The following DOCK4 variants were observed in gnomAD, a reference collection of about 807,000 sequenced individuals.
DOCK4 encodes the protein dedicator of cytokinesis protein 4.
A neutral mutation model predicts 268.1 loss-of-function variants in DOCK4; 97 were observed. That is an observed-to-expected ratio of 0.36 (90% confidence interval 0.31 to 0.43). DOCK4 has a LOEUF of 0.43. Ranked by LOEUF, DOCK4 falls within the 20% of genes least tolerant of loss-of-function variation. The probability of loss-of-function intolerance (pLI) is 1.00; values close to 1 mark genes in which losing one functional copy is unlikely to be tolerated. For missense variants in DOCK4, 2,145 were observed against 2,455.7 expected, an observed-to-expected ratio of 0.87 and a Z score of 2.67; for synonymous variants, 954 against 887.2, an observed-to-expected ratio of 1.08 and a Z score of -1.34.
At chr7:111,756,206 G>A (rs540666046) in intron 41 of DOCK4, among the ~76,000 whole-genome samples, 23 of 152,242 alleles carry the variant, frequency 1.5e-4, no homozygotes, top group East Asian at 3.9e-4. Flanking sequence ...AAAATTAGCC[G>A]GGCATGGTGG....
intron 1 of DOCK4, among the ~76,000 whole-genome samples, chr7:112,198,085 A>C (rs1378359677): frequency 1.3e-5 from 2 of 152,052 alleles, no homozygotes; most frequent in African/African-American, 4.8e-5. Context: ...ATATGCCCCC[A>C]AAATTCACAT....
chr7:111,900,703 G>A (rs1200718381), intron 14 of DOCK4, among the ~76,000 whole-genome samples, 167 bp from the exon 15 acceptor site: 1 of 152,224 alleles, frequency 6.6e-6, no homozygotes, highest in African/African-American at 2.4e-5. Context: ...TTAGCGGGGT[G>A]TATCTATTTA....
At chr7:111,795,537 C>T (rs1240249252) in intron 30 of DOCK4, among the ~76,000 whole-genome samples, 1 of 152,176 alleles carries the variant, frequency 6.6e-6, no homozygotes, top group African/African-American at 2.4e-5. Context: ...GGGAAACAAC[C>T]AGCCCTGATG....
At chr7:112,072,587 G>A (rs1222955141) in intron 1 of DOCK4, among the ~76,000 whole-genome samples, 1 of 152,198 alleles carries the variant, frequency 6.6e-6, no homozygotes, top group Non-Finnish European at 1.5e-5. Context: ...AGGCAGACAT[G>A]AGCAGGCCAG....
chr7:111,787,244 G>A (rs1172287727), intron 32 of DOCK4, among the ~76,000 whole-genome samples: 2 of 152,060 alleles, frequency 1.3e-5, no homozygotes, highest in East Asian at 3.9e-4. Flanking sequence ...TCATTTCACT[G>A]AGTGCTTTCT....
At chr7:111,741,928 G>C in intron 45 of DOCK4, 85 bp downstream of exon 45, 1 of 1,476,696 alleles carries the variant, frequency 6.8e-7, no homozygotes. Context: ...ACCACAAGAT[G>C]TCACTATTGG....
At chr7:112,116,525 T>C (rs1050030412) in intron 1 of DOCK4, among the ~76,000 whole-genome samples, 2 of 152,124 alleles carry the variant, frequency 1.3e-5, no homozygotes, top group African/African-American at 2.4e-5. Flanking sequence ...ACAAAGAACA[T>C]GTGTCACAAG....
chr7:112,004,918 A>G (rs1297307195), intron 1 of DOCK4, among the ~76,000 whole-genome samples: 1 of 152,224 alleles, frequency 6.6e-6, no homozygotes, highest in African/African-American at 2.4e-5. Flanking sequence ...GAAAGTACGC[A>G]CAGATTAGTC....
At chr7:112,143,729 G>A (rs12113011) in intron 1 of DOCK4, among the ~76,000 whole-genome samples, 16,039 of 152,098 alleles carry the variant, frequency 0.11, 1,145 homozygotes, top group Middle Eastern at 0.21. Context: ...CTGAGAGTGG[G>A]ACTAAGAAGA....
chr7:112,011,315 C>G (rs886400819), intron 1 of DOCK4, among the ~76,000 whole-genome samples: 3 of 152,244 alleles, frequency 2.0e-5, no homozygotes, highest in Admixed American at 2.0e-4. Context: ...CAATCTCCAT[C>G]TCAGGGTCTG....
At chr7:111,883,549 C>A (rs1456176020) in intron 16 of DOCK4, among the ~76,000 whole-genome samples, 2 of 152,176 alleles carry the variant, frequency 1.3e-5, no homozygotes, top group African/African-American at 4.8e-5. Context: ...TGCCTGCCAT[C>A]TCTGCAGCAC....
At chr7:111,947,742 G>A (rs1021354626) in intron 8 of DOCK4, among the ~76,000 whole-genome samples, 26 of 151,662 alleles carry the variant, frequency 1.7e-4, no homozygotes, top group African/African-American at 2.9e-4. Flanking sequence ...TTTTTGGGTC[G>A]GGGGGAGGTC....
chr7:111,943,308 C>T (rs1034616538), intron 10 of DOCK4, among the ~76,000 whole-genome samples: 3 of 152,166 alleles, frequency 2.0e-5, no homozygotes, highest in Non-Finnish European at 2.9e-5. Flanking sequence ...ACTACTGAGG[C>T]GGCTTCCTTG....
intron 12 of DOCK4, among the ~76,000 whole-genome samples, chr7:111,917,913 A>G (rs1405148024): frequency 6.6e-6 from 1 of 152,150 alleles, no homozygotes; most frequent in South Asian, 2.1e-4. Flanking sequence ...TCATGCTGTG[A>G]TGAAAAAAAT....
intron 30 of DOCK4, among the ~76,000 whole-genome samples, chr7:111,795,240 G>A (rs1799811882): frequency 6.6e-6 from 1 of 152,134 alleles, no homozygotes; most frequent in South Asian, 2.1e-4. Flanking sequence ...GGCTGAGGCA[G>A]GAGGATCACG....
rs59409689 is a variant in DOCK4 at position 111,974,492 on chromosome 7, A to ATGTGTGTGTG, written c.701+2630_701+2639dup. Among the ~76,000 whole-genome samples, 457 of 84,376 alleles carry ATGTGTGTGTG rather than the reference A, an allele frequency of 5.4e-3. 8 individuals carry two copies. The highest frequency in any genetic ancestry group is 0.015 in the East Asian group (42 of 2,890). 55.4% of individuals were successfully genotyped at this position (84,376 alleles called of 152,430 possible). ...AGATCAGGTGGCATATTGAAGAGGG[A>ATGTGTGTGTG]TGTGTGTGTGTGTGTGTGTGTGTGT... is the stretch of plus-strand genomic sequence containing the variant. On this transcript the variant is annotated intron_variant, in intron 8 of 52. Transcript: ENST00000428084.
chr7:112,006,667 G>A (rs1029444237), intron 1 of DOCK4, among the ~76,000 whole-genome samples: 4 of 152,162 alleles, frequency 2.6e-5, no homozygotes, highest in African/African-American at 4.8e-5. Context: ...CCTGCCAGTC[G>A]CAAATTCTGA....
At chr7:111,984,797 T>C (rs1320540017) in intron 6 of DOCK4, among the ~76,000 whole-genome samples, 2 of 152,224 alleles carry the variant, frequency 1.3e-5, no homozygotes, top group Non-Finnish European at 2.9e-5. Context: ...ATTTGGTCTT[T>C]AGAATTTGAC....
At chr7:111,836,092 T>G (rs979971641) in intron 25 of DOCK4, among the ~76,000 whole-genome samples, 4 of 152,118 alleles carry the variant, frequency 2.6e-5, no homozygotes, top group African/African-American at 9.7e-5. Context: ...TATTAATATT[T>G]TTGTATATGT....
Sources: gnomAD v4.1 joint callset for allele counts (sites outside exome capture counted in the v4.1 genomes callset) on GRCh38, gnomAD v4.1.1 for gene constraint, MANE v1.5 for transcripts, NCBI Gene and HGNC (gene_info 2026-07-23, HGNC 2026-07-21) for gene names.